The following WDR90 variants were observed in gnomAD, a reference collection of about 807,000 sequenced individuals.
WDR90 encodes the protein WD repeat domain 90, also known as WD repeat-containing protein 90.
A neutral mutation model predicts 195.2 loss-of-function variants in WDR90; 238 were observed. The ratio of observed to expected loss-of-function variants is 1.22; its 90% CI spans 1.10 to 1.36. The LOEUF (loss-of-function observed/expected upper bound fraction) is 1.36, where lower values mean the gene tolerates loss of function less well. Ranked by LOEUF, WDR90 falls within the 40% of genes most tolerant of loss-of-function variation. WDR90 has a pLI of 0.00. For synonymous variants in WDR90, 1,265 were observed against 1,052.4 expected, an observed-to-expected ratio of 1.20 and a Z score of -3.91; for missense variants, 2,734 against 2,439.5, an observed-to-expected ratio of 1.12 and a Z score of -2.54.
Position 653,534 on chromosome 16 carries a change from C to G in WDR90, c.1243C>G (p.Leu415Val). The change falls in exon 12 of 41, where the codon CTG becomes GTG. Residue 415 changes from leucine (L) to valine (V), a missense_variant. Transcript: ENST00000293879. Reference sequence around the variant, plus strand: ...CCCTTCTGCCTCCTAGGTCTCCGCCCTGGCGCTGGATGGCAGCAGCTCACT... The same window carrying G: ...CCCTTCTGCCTCCTAGGTCTCCGCCGTGGCGCTGGATGGCAGCAGCTCACT... ...FLGHTDKVSA[L>V]ALDGSSSLLA... The G allele has an allele frequency of 6.2e-7, 1 of 1,613,346 alleles. No homozygotes were observed. Among genetic ancestry groups the G allele is most frequent in the Non-Finnish European group, 8.5e-7 (1 of 1,179,850 alleles).
intron 36 of WDR90, 29 bp downstream of exon 36, chr16:666,153 G>C: frequency 1.2e-6 from 2 of 1,607,006 alleles, no homozygotes; most frequent in Non-Finnish European, 1.7e-6. Context: ...TGGGGATGGT[G>C]CCGTCCTGAC....
rs759204432 is a variant in WDR90, at chr16:666,677, A to G, written c.4889A>G (p.Gln1630Arg). 3 of 1,612,532 alleles carry G rather than the reference A, an allele frequency of 1.9e-6. No homozygotes were observed. The highest frequency in any genetic ancestry group is 2.5e-6 in the Non-Finnish European group (3 of 1,179,858). Residue 1630 changes from glutamine (Q) to arginine (R), a missense_variant, in exon 39 of 41, where the codon CAG becomes CGG. Physicochemically the swap from Gln to Arg is conservative, Grantham distance 43. Coordinates refer to ENST00000293879, the MANE Select transcript of WDR90 (RefSeq NM_145294.5). ...CAGCATGCTGCGCCTTTGCAGACTCAGGGCCACCTGCCACCCTCCCTCGCT... is the reference window on the plus strand; with the variant it reads ...CAGCATGCTGCGCCTTTGCAGACTCGGGGCCACCTGCCACCCTCCCTCGCT... ...SFPMPATTET[Q>R]GHLPPSLAAF...
chr16:656,430 C>T lies in WDR90; in HGVS notation c.2095C>T (p.His699Tyr). The T allele has an allele frequency of 6.2e-7, 1 of 1,603,138 alleles. No individual in the cohort carries two copies. The highest frequency in any genetic ancestry group is 1.3e-5 in the African/African-American group (1 of 74,812). The part of the protein sequence containing the change: ...SRVYHMLARS[H>Y]TAPVLALAME... The stretch of plus-strand genomic sequence containing the variant: ...GGTGTACCACATGCTGGCTCGCTCC[C>T]ACACCGCCCCGGTGTTGGCCCTCGC... The change falls in exon 18 of 41, where the codon CAC becomes TAC. Residue 699 changes from histidine to tyrosine, a missense_variant. Physicochemically the swap from His to Tyr is moderately conservative, Grantham distance 83. Coordinates refer to ENST00000293879, the MANE Select transcript of WDR90 (RefSeq NM_145294.5).
intron 34 of WDR90, 76 bp from the exon 35 acceptor site, chr16:665,603 C>T (rs1361833570): frequency 6.2e-7 from 1 of 1,607,180 alleles, no homozygotes. Flanking sequence ...GCCCTGGGGG[C>T]TGGAATAGGA....
intron 5 of WDR90, 91 bp downstream of exon 5, chr16:650,800 G>A (rs1297380387): frequency 2.6e-6 from 4 of 1,535,818 alleles, no homozygotes; most frequent in Non-Finnish European, 3.5e-6. Flanking sequence ...GGAAAATACA[G>A]TGCTCGAGCT....
At position 649,402 on chromosome 16, in the gene WDR90, T is replaced by G; in HGVS notation, c.-15T>G. 1.5e-6 allele frequency: 2 copies of G among 1,316,798 alleles called. No individual in the cohort carries two copies. The highest frequency in any genetic ancestry group is 9.7e-7 in the Non-Finnish European group (1 of 1,035,886). The allele number at this position is 1,316,798 out of a possible 1,614,324, so 81.6% of individuals were successfully genotyped here. A position where few individuals can be genotyped will look rare whatever the true frequency, so the allele number is the denominator to read the frequency against. ...GCGCGCGGAGGCCTAGGCGGGAAGC[T>G]CGAGCGGCGGCGCCATGGCCCGAGG... On this transcript the variant is annotated 5_prime_UTR_variant, in exon 1 of 41. Transcript: ENST00000293879.
At position 650,265 on chromosome 16, in the gene WDR90, C is replaced by T. The variant is rs763723238; in HGVS notation, c.291C>T (p.Val97=). The T allele has an allele frequency of 1.2e-6, 2 of 1,612,916 alleles. No individual in the cohort carries two copies. Among genetic ancestry groups the T allele is most frequent in the Admixed American group, 3.3e-5 (2 of 60,030 alleles). The part of the protein sequence containing the change: ...HLDVSSKDNQ[V]IRVSFSNLFK... The stretch of plus-strand genomic sequence containing the variant: ...CTCCGTCCCCACAGGACAACCAAGT[C>T]ATCCGTGTGTCTTTCTCCAACCTCT... The change falls in exon 4 of 41, where the codon GTC becomes GTT. Residue 97 remains valine (V), a synonymous_variant. Transcript: ENST00000293879.
chr16:649,543 C>A, intron 1 of WDR90, 117 bp downstream of exon 1: 1 of 1,241,152 alleles, frequency 8.1e-7, no homozygotes, highest in South Asian at 2.7e-5. Flanking sequence ...AGTCCCCGCT[C>A]AGGCAGGGTC....
chr16:653,724 A>T, intron 12 of WDR90, 22 bp from the exon 13 acceptor site: 1 of 1,613,088 alleles, frequency 6.2e-7, no homozygotes, highest in Non-Finnish European at 8.5e-7. Context: ...GGCGACAATG[A>T]CCACCTCCTC....
At chr16:648,998 T>C (rs754602424), upstream of WDR90, 6 of 179,164 alleles carry the variant, frequency 3.3e-5, no homozygotes, top group Non-Finnish European at 5.8e-5. Flanking sequence ...CAGGGGCCTC[T>C]GGACGGCGAG....
intron 13 of WDR90, chr16:654,647 A>G (rs2037710274): frequency 4.9e-6 from 1 of 205,732 alleles, no homozygotes; most frequent in Non-Finnish European, 9.9e-6. Flanking sequence ...ATAGGGTTTC[A>G]TTACATTGCT....
In WDR90 at chr16:665,484, G is replaced by T. The variant is rs1315348464; in HGVS notation, c.4312-195G>T. On this transcript the variant is annotated intron_variant, in intron 34 of 40. Transcript: ENST00000293879. ...CTGGCTAGTGGGCTTGCTTTGGTTTGGACTCACCCAGATCTAGTGCAGGGA... is the reference window on the plus strand; with the variant it reads ...CTGGCTAGTGGGCTTGCTTTGGTTTTGACTCACCCAGATCTAGTGCAGGGA... 11 of 818,506 alleles carry T rather than the reference G, an allele frequency of 1.3e-5. No individual in the cohort carries two copies. In the Admixed American group the frequency reaches 2.6e-4, roughly 19 times the overall value. 50.7% of individuals were successfully genotyped at this position (818,506 alleles called of 1,614,324 possible).
At chr16:665,183 A>C in intron 34 of WDR90, 1 of 265,736 alleles carries the variant, frequency 3.8e-6, no homozygotes, top group South Asian at 7.8e-5. Flanking sequence ...TTTTGGGAGG[A>C]GGAATGCGAC....
chr16:659,370 G>A lies in WDR90; in HGVS notation c.3178G>A (p.Gly1060Ser), dbSNP rs1290954387. The change falls in exon 26 of 41, where the codon GGC (glycine) becomes AGC (serine). Residue 1060 changes from glycine to serine, a missense_variant. Transcript: ENST00000293879. ...LGVCARPPEG[G>S]DGARDTRNSG... ...CGTCTGTGCCAGGCCTCCCGAAGGT[G>A]GCGATGGTGAGCAGCAGGGGTCCTG... 1.3e-6 allele frequency: 2 copies of A among 1,592,060 alleles called. No homozygotes were observed. Among genetic ancestry groups the A allele is most frequent in the East Asian group, 2.3e-5 (1 of 44,060 alleles).
intron 20 of WDR90, among the ~76,000 whole-genome samples, 187 bp from the exon 21 acceptor site, chr16:657,575 C>A (rs2151256551): frequency 6.6e-6 from 1 of 152,354 alleles, no homozygotes; most frequent in Admixed American, 6.5e-5. Context: ...CCCACGGGGA[C>A]TCCCAGCTCC....
intron 5 of WDR90, 84 bp from the exon 6 acceptor site, chr16:650,911 T>A: frequency 1.3e-6 from 2 of 1,534,926 alleles, no homozygotes; most frequent in Non-Finnish European, 1.8e-6. Context: ...GCTGGGCTGG[T>A]GGCGTGGCAG....
In WDR90 at chr16:657,183, G is replaced by C; in HGVS notation, c.2435G>C (p.Ser812Thr). 6.4e-7 allele frequency: 1 copy of C among 1,556,542 alleles called. No individual in the cohort carries two copies. The highest frequency in any genetic ancestry group is 1.2e-5 in the South Asian group (1 of 84,510). Residue 812 changes from serine to threonine, a missense_variant, in exon 20 of 41, where the codon AGC (serine) becomes ACC (threonine). By Grantham distance (58) the Ser-to-Thr change is moderately conservative. Transcript: ENST00000293879. ...SCSQGSLAQY[S>T]CADPQWHVLR... ...TCCCAGGGCTCCCTGGCCCAGTACAGCTGTGCGGACCCCCAGTGGCATGTC... is the reference window on the plus strand; with the variant it reads ...TCCCAGGGCTCCCTGGCCCAGTACACCTGTGCGGACCCCCAGTGGCATGTC...
rs2151327853 is a variant in WDR90, at chr16:661,977, C to T, written c.3951C>T (p.Gly1317=). Reference sequence around the variant, plus strand: ...GGGCACCTCCCCTGCTCTATTGTGGCACCAGCTCTGGCCAGGTCTGTGTCT... The same window carrying T: ...GGGCACCTCCCCTGCTCTATTGTGGTACCAGCTCTGGCCAGGTCTGTGTCT... ...CYGAPPLLYC[G]TSSGQVCVWD... is the part of the protein sequence containing the mutation. The change falls in exon 32 of 41, where the codon GGC becomes GGT. Residue 1317 remains glycine, a synonymous_variant. Transcript: ENST00000293879. 2.5e-6 allele frequency: 4 copies of T among 1,606,170 alleles called. No homozygotes were observed. The highest frequency in any genetic ancestry group is 1.3e-5 in the African/African-American group (1 of 75,050).
rs1232702296 is a variant in WDR90 at position 666,502 on chromosome 16, T to C, written c.4788T>C (p.Ser1596=). Reference sequence around the variant, plus strand: ...GCACAGACCTATGGCTGGCTGCCAGTGGGGACCAGCGGGTCAGCGTCTGGG... The same window carrying C: ...GCACAGACCTATGGCTGGCTGCCAGCGGGGACCAGCGGGTCAGCGTCTGGG... The part of the protein sequence containing the change: ...VEGTDLWLAA[S]GDQRVSVWAS... The change falls in exon 38 of 41, where the codon AGT becomes AGC. Residue 1596 remains serine (S), a synonymous_variant. Transcript: ENST00000293879. The C allele has an allele frequency of 1.2e-6, 2 of 1,612,550 alleles. No homozygotes were observed. The highest frequency in any genetic ancestry group is 2.7e-5 in the African/African-American group (2 of 74,916).
Sources: allele counts gnomAD v4.1 joint callset (sites outside exome capture counted in the v4.1 genomes callset), GRCh38; gene constraint gnomAD v4.1.1; transcripts MANE v1.5; gene names NCBI Gene and HGNC (gene_info 2026-07-23, HGNC 2026-07-21).